The following CPEB1 variants were observed in gnomAD, a reference collection of about 807,000 sequenced individuals.
The protein encoded by CPEB1 is cytoplasmic polyadenylation element-binding protein 1.
CPEB1 carries 7 observed loss-of-function variants against 65.8 expected under a neutral mutation model. The ratio of observed to expected loss-of-function variants is 0.11; its 90% CI spans 0.06 to 0.20. The LOEUF (loss-of-function observed/expected upper bound fraction) is 0.20, where lower values mean the gene tolerates loss of function less well. Ranked by LOEUF, CPEB1 falls within the 10% of genes least tolerant of loss-of-function variation. The pLI, the probability that CPEB1 is intolerant of heterozygous loss-of-function variation, is 1.00. For synonymous variants in CPEB1, 262 were observed against 260.0 expected, an observed-to-expected ratio of 1.01 and a Z score of -0.08; for missense variants, 551 against 712.2, an observed-to-expected ratio of 0.77 and a Z score of 2.58.
At chr15:82,578,567 C>G (rs564218708) in intron 3 of CPEB1, among the ~76,000 whole-genome samples, 21 of 152,188 alleles carry the variant, frequency 1.4e-4, no homozygotes, top group African/African-American at 5.1e-4. Flanking sequence ...AGCTCGAGAC[C>G]AGACATGGCG....
At chr15:82,577,019 C>T (rs1466293218) in intron 3 of CPEB1, among the ~76,000 whole-genome samples, 2 of 152,024 alleles carry the variant, frequency 1.3e-5, no homozygotes, top group Non-Finnish European at 1.5e-5. Context: ...AGTGAGACCC[C>T]GTCTCCAAAA....
intron 3 of CPEB1, among the ~76,000 whole-genome samples, chr15:82,590,793 T>C (rs1338831471): frequency 1.3e-5 from 2 of 152,178 alleles, no homozygotes; most frequent in Non-Finnish European, 2.9e-5. Flanking sequence ...CTGTGTTAGT[T>C]TGCTAAGGAT....
chr15:82,568,855 T>G (rs1157662227), intron 4 of CPEB1, among the ~76,000 whole-genome samples: 1 of 152,242 alleles, frequency 6.6e-6, no homozygotes, highest in Admixed American at 6.5e-5. Flanking sequence ...GCTCGACGTT[T>G]GCCAGATGAA....
At chr15:82,624,105 A>T (rs973672529) in intron 3 of CPEB1, among the ~76,000 whole-genome samples, 1 of 152,156 alleles carries the variant, frequency 6.6e-6, no homozygotes, top group Non-Finnish European at 1.5e-5. Flanking sequence ...TTACTTTCTC[A>T]TTAATCACAA....
chr15:82,547,048 C>T, intron 11 of CPEB1, 95 bp downstream of exon 11: 1 of 812,842 alleles, frequency 1.2e-6, no homozygotes, highest in Non-Finnish European at 2.1e-6. Flanking sequence ...ACACACCCAG[C>T]ACAAACAGCT....
At chr15:82,611,627 C>T (rs759679854) in intron 3 of CPEB1, among the ~76,000 whole-genome samples, 2 of 151,588 alleles carry the variant, frequency 1.3e-5, no homozygotes, top group Admixed American at 6.6e-5. Flanking sequence ...CCAGCAGCCA[C>T]GGTGGCACAC....
chr15:82,583,030 C>T (rs2041445053), intron 3 of CPEB1, among the ~76,000 whole-genome samples: 2 of 152,140 alleles, frequency 1.3e-5, no homozygotes, highest in African/African-American at 2.4e-5. Context: ...ATTCTTAACA[C>T]TAACTCCCTC....
At chr15:82,576,065 C>T (rs1261846823) in intron 3 of CPEB1, among the ~76,000 whole-genome samples, 1 of 152,146 alleles carries the variant, frequency 6.6e-6, no homozygotes, top group Admixed American at 6.5e-5. Flanking sequence ...ATCACCCAAA[C>T]GTGGATTCAG....
intron 3 of CPEB1, among the ~76,000 whole-genome samples, chr15:82,601,540 C>T (rs941522175): frequency 1.1e-4 from 17 of 151,972 alleles, no homozygotes; most frequent in Non-Finnish European, 1.9e-4. Context: ...CACCCTGTCC[C>T]CTCCACCCAA....
intron 3 of CPEB1, among the ~76,000 whole-genome samples, chr15:82,575,405 C>A (rs1017683615): frequency 1.3e-5 from 2 of 152,030 alleles, no homozygotes; most frequent in African/African-American, 4.8e-5. Flanking sequence ...AGGGGGAGTA[C>A]ATAGAAGCAA....
At chr15:82,625,902 T>C (rs968538185) in intron 3 of CPEB1, among the ~76,000 whole-genome samples, 1 of 150,556 alleles carries the variant, frequency 6.6e-6, no homozygotes, top group Non-Finnish European at 1.5e-5. Context: ...GTGGATCACC[T>C]GACGTCAGGA....
At position 82,640,419 on chromosome 15, in the gene CPEB1, C is replaced by T. The variant is rs372653135; in HGVS notation, c.-98+6718G>A. ...GACTACCAGGTCATAAGCTAGTACC[C>T]CTTGCGCTTAAAATTCTAGCAATAC... On this transcript the variant is annotated intron_variant, in intron 1 of 12. Coordinates refer to ENST00000684509, the MANE Select transcript of CPEB1 (RefSeq NM_001365242.1). Among the ~76,000 whole-genome samples, 57 of 152,218 alleles carry T rather than the reference C, an allele frequency of 3.7e-4. 1 individual carries two copies. The South Asian group carries it at 0.012, about 32-fold the overall frequency.
At chr15:82,548,884 C>T (rs2035760201) in intron 10 of CPEB1, 1 of 304,880 alleles carries the variant, frequency 3.3e-6, no homozygotes, top group Admixed American at 4.5e-5. Context: ...TGCTCCACCT[C>T]CATACCTCAT....
chr15:82,647,588 G>A (rs981220667), upstream of CPEB1: 4 of 320,240 alleles, frequency 1.2e-5, no homozygotes, highest in Admixed American at 2.0e-4. Context: ...GCCGCAGTGC[G>A]GCTCGGAGGC....
intron 10 of CPEB1, 28 bp downstream of exon 10, chr15:82,549,432 C>G: frequency 1.2e-6 from 2 of 1,613,904 alleles, no homozygotes; most frequent in South Asian, 2.2e-5. Flanking sequence ...GCCAACCAAG[C>G]TTTCGCACAC....
chr15:82,553,080 G>A (rs1290849126), intron 8 of CPEB1, among the ~76,000 whole-genome samples: 2 of 152,210 alleles, frequency 1.3e-5, no homozygotes, highest in Non-Finnish European at 1.5e-5. Context: ...CCTCATTCCT[G>A]CCAACTCCAA....
intron 1 of CPEB1, among the ~76,000 whole-genome samples, chr15:82,646,841 C>A (rs1490389182): frequency 6.6e-6 from 1 of 152,112 alleles, no homozygotes; most frequent in Non-Finnish European, 1.5e-5. Flanking sequence ...GGGTGAGTCC[C>A]CCCACACTCA....
rs373749169 is a variant in CPEB1, at chr15:82,547,184, C to T, written c.1534G>A (p.Ala512Thr). ...GTGGTTTTGATCTCCACAAAAGCAG[C>T]GCTGACTGCTTTCAGGTAACTCCGT... ...NQRSYLKAVS[A>T]AFVEIKTTKF... The change falls in exon 11 of 13, where the codon GCT becomes ACT. Residue 512 changes from alanine to threonine, a missense_variant. By Grantham distance (58) the Ala-to-Thr change is moderately conservative (BLOSUM62 0). This residue lies in a region of CPEB1 where 98 missense variants were observed against 157.6 expected (regional missense o/e 0.62). Transcript: ENST00000684509. The T allele has an allele frequency of 6.2e-6, 10 of 1,613,382 alleles. No individual in the cohort carries two copies. The highest frequency in any genetic ancestry group is 1.3e-5 in the African/African-American group (1 of 74,936).
At chr15:82,621,019 C>A (rs2045254553) in intron 3 of CPEB1, among the ~76,000 whole-genome samples, 1 of 152,164 alleles carries the variant, frequency 6.6e-6, no homozygotes, top group Non-Finnish European at 1.5e-5. Flanking sequence ...ACTGTTAAAG[C>A]CACACAGTAA....
Sources: allele counts gnomAD v4.1 joint callset (sites outside exome capture counted in the v4.1 genomes callset), GRCh38; gene constraint gnomAD v4.1.1; regional missense constraint gnomAD v4.1.1; transcripts MANE v1.5; gene names NCBI Gene and HGNC (gene_info 2026-07-23, HGNC 2026-07-21).